Variants in CACNA2D3 observed in about 807,000 individuals in gnomAD.
CACNA2D3 encodes the protein voltage-dependent calcium channel subunit alpha-2/delta-3.
In CACNA2D3, 60 loss-of-function variants were observed where a neutral mutation model predicts 160.6. The observed-to-expected ratio is 0.37, with a 90% CI of 0.30 to 0.46. CACNA2D3 has a LOEUF of 0.46. Ranked by LOEUF, CACNA2D3 falls within the 20% of genes least tolerant of loss-of-function variation. CACNA2D3 has a pLI of 1.00. For missense variants in CACNA2D3, 1,205 were observed against 1,365.0 expected (o/e 0.88, Z 1.85); for synonymous variants, 558 against 492.9 (o/e 1.13, Z -1.75).
At chr3:54,552,206 G>C (rs150997819) in intron 5 of CACNA2D3, among the ~76,000 whole-genome samples, 1 of 152,080 alleles carries the variant, frequency 6.6e-6, no homozygotes, top group Admixed American at 6.5e-5. Flanking sequence ...CTCGGAGGGG[G>C]ACTCCAAATT....
intron 5 of CACNA2D3, among the ~76,000 whole-genome samples, chr3:54,511,230 C>T (rs775029682): frequency 1.4e-4 from 22 of 152,202 alleles, no homozygotes; most frequent in Non-Finnish European, 1.0e-4. Context: ...TCCTCTGCCC[C>T]CTCATTTATG....
At chr3:54,490,442 G>A (rs1197097229) in intron 4 of CACNA2D3, among the ~76,000 whole-genome samples, 1 of 152,238 alleles carries the variant, frequency 6.6e-6, no homozygotes, top group Non-Finnish European at 1.5e-5. Context: ...AACAGAATCA[G>A]GAGGTCCATC....
intron 4 of CACNA2D3, among the ~76,000 whole-genome samples, chr3:54,487,315 C>T (rs1701030152): frequency 6.6e-6 from 1 of 152,124 alleles, no homozygotes. Context: ...CTGTGGTGGA[C>T]TGAGATTGTG....
intron 13 of CACNA2D3, 104 bp downstream of exon 13, chr3:54,764,455 A>G (rs1575464432): frequency 8.6e-6 from 12 of 1,389,646 alleles, no homozygotes; most frequent in Non-Finnish European, 1.1e-5. Flanking sequence ...TTTTGTGTTC[A>G]GTGACACTTT....
At chr3:54,289,975 T>C (rs1361453046) in intron 2 of CACNA2D3, among the ~76,000 whole-genome samples, 1 of 151,488 alleles carries the variant, frequency 6.6e-6, no homozygotes, top group Non-Finnish European at 1.5e-5. Context: ...ACGTAGGCAT[T>C]ACCATTCAGG....
chr3:54,960,381 T>C (rs1702002360), intron 27 of CACNA2D3, among the ~76,000 whole-genome samples: 1 of 152,218 alleles, frequency 6.6e-6, no homozygotes, highest in Non-Finnish European at 1.5e-5. Flanking sequence ...AAGTGAAATA[T>C]GCAATCATTT....
At chr3:55,038,127 T>C (rs1326748861) in intron 35 of CACNA2D3, among the ~76,000 whole-genome samples, 4 of 152,198 alleles carry the variant, frequency 2.6e-5, no homozygotes, top group African/African-American at 9.7e-5. Flanking sequence ...CAAATAGACA[T>C]GAAATCCTCA....
intron 35 of CACNA2D3, among the ~76,000 whole-genome samples, chr3:55,068,682 C>A (rs1453681038): frequency 6.6e-6 from 1 of 152,090 alleles, no homozygotes; most frequent in Non-Finnish European, 1.5e-5. Context: ...AAATAGAGAT[C>A]CTCTTCACCC....
chr3:54,350,966 C>CGGTTTTTTTT (rs1559457706), intron 3 of CACNA2D3, among the ~76,000 whole-genome samples: 1 of 63,284 alleles, frequency 1.6e-5, no homozygotes, highest in Non-Finnish European at 3.6e-5. Flanking sequence ...GATCTTGAGT[C>CGGTTTTTTTT]TGTTTTTTTT....
chr3:54,188,511 C>T (rs1332326884), intron 2 of CACNA2D3, among the ~76,000 whole-genome samples: 1 of 152,160 alleles, frequency 6.6e-6, no homozygotes, highest in Non-Finnish European at 1.5e-5. Context: ...GCCTAGGCTA[C>T]GACACCTCTT....
intron 11 of CACNA2D3, among the ~76,000 whole-genome samples, chr3:54,735,209 TC>T (rs1384234450): frequency 6.6e-6 from 1 of 152,230 alleles, no homozygotes; most frequent in African/African-American, 2.4e-5. Context: ...TTTAGTGGAT[TC>T]CCCTAGCACT....
rs75097824 is a variant in CACNA2D3, at chr3:55,026,228, C to T, written c.2987+7911C>T. Among the ~76,000 whole-genome samples, 1,391 of 152,186 alleles carry T rather than the reference C, an allele frequency of 9.1e-3. 28 individuals carry two copies. The highest frequency in any genetic ancestry group is 0.031 in the African/African-American group (1,307 of 41,526). On this transcript the variant is annotated intron_variant, in intron 35 of 37. Transcript: ENST00000474759. ...GCTAACTTGTGAGATGGCAATTTGG[C>T]AGGTAAGATATGAGGGCTGATTTAT...
chr3:54,790,055 G>C (rs567434549), intron 13 of CACNA2D3, among the ~76,000 whole-genome samples: 2 of 152,270 alleles, frequency 1.3e-5, no homozygotes, highest in South Asian at 4.2e-4. Flanking sequence ...CACTTATGGA[G>C]TGATTCCTGG....
At chr3:54,647,767 G>A (rs1035233474) in intron 11 of CACNA2D3, among the ~76,000 whole-genome samples, 1 of 152,362 alleles carries the variant, frequency 6.6e-6, no homozygotes, top group South Asian at 2.1e-4. Context: ...CATTATTGGT[G>A]ATTTTAACTG....
intron 2 of CACNA2D3, among the ~76,000 whole-genome samples, chr3:54,245,328 G>A (rs1027801535): frequency 3.3e-5 from 5 of 150,170 alleles, no homozygotes; most frequent in South Asian, 2.1e-4. Context: ...TGTGTGTGTG[G>A]GAGAGAGAGA....
At position 54,878,398 on chromosome 3, in the gene CACNA2D3, G is replaced by A. The variant is rs543211268; in HGVS notation, c.1711-620G>A. 9.2e-4 allele frequency among the ~76,000 whole-genome samples: 140 copies of A among 152,178 alleles called. 1 individual carries two copies. Among genetic ancestry groups the A allele is most frequent in the Admixed American group, 2.8e-3 (43 of 15,292 alleles). ...ATTAGATGAGGTCAGCTGGGGGTGG[G>A]GGAGGAGAGCCAGGCTCGCTGCTCC... On this transcript the variant is annotated intron_variant, in intron 18 of 37. Transcript: ENST00000474759.
chr3:54,808,452 A>C (rs111356659), intron 13 of CACNA2D3, among the ~76,000 whole-genome samples: 2,750 of 152,148 alleles, frequency 0.018, 72 homozygotes, highest in African/African-American at 0.061. Context: ...ATTGTAGTCA[A>C]GAGGAAAGCT....
At chr3:55,004,969 C>G in intron 32 of CACNA2D3, 131 bp downstream of exon 32, 1 of 547,842 alleles carries the variant, frequency 1.8e-6, no homozygotes, top group Non-Finnish European at 3.1e-6. Flanking sequence ...ACTTTACTCA[C>G]TTAAAAAAAA....
At chr3:54,773,718 T>A (rs1358855374) in intron 13 of CACNA2D3, among the ~76,000 whole-genome samples, 4 of 152,196 alleles carry the variant, frequency 2.6e-5, no homozygotes, top group African/African-American at 9.6e-5. Flanking sequence ...ATGAGTGTAT[T>A]CCTGATTTTT....
Sources: allele counts gnomAD v4.1 joint callset (sites outside exome capture counted in the v4.1 genomes callset), GRCh38; gene constraint gnomAD v4.1.1; transcripts MANE v1.5; gene names NCBI Gene and HGNC (gene_info 2026-07-23, HGNC 2026-07-21).